WWOX: variants seen among roughly 807,000 people sequenced by gnomAD.
WWOX encodes the protein WW domain-containing oxidoreductase.
A neutral mutation model predicts 46.2 loss-of-function variants in WWOX; 69 were observed. The ratio of observed to expected loss-of-function variants is 1.49; its 90% confidence interval spans 1.23 to 1.82. WWOX has a LOEUF of 1.82. WWOX is among the 40% of genes most tolerant of loss of function. WWOX has a pLI of 0.00. For synonymous variants in WWOX, 359 were observed against 202.6 expected, an observed-to-expected ratio of 1.77 and a Z score of -6.56; for missense variants, 919 against 542.6, an observed-to-expected ratio of 1.69 and a Z score of -6.89.
At chr16:78,338,200 TTAAA>T (rs1225262951) in intron 5 of WWOX, among the ~76,000 whole-genome samples, 1 of 121,000 alleles carries the variant, frequency 8.3e-6, no homozygotes, top group Admixed American at 8.0e-5. Flanking sequence ...ATTTTGTGAA[TTAAA>T]TAAAGCAGCA....
At chr16:79,077,496 T>TCA (rs747419067) in intron 8 of WWOX, 1 of 152,184 alleles carries the variant, frequency 6.6e-6, no homozygotes, top group East Asian at 1.9e-4. Context: ...AGGATGCAAT[T>TCA]CACAGAGATG....
chr16:78,830,261 G>T (rs2051780151), intron 8 of WWOX, among the ~76,000 whole-genome samples: 1 of 152,106 alleles, frequency 6.6e-6, no homozygotes, highest in African/African-American at 2.4e-5. Context: ...TTTATATGGG[G>T]TTATTGTCCT....
intron 3 of WWOX, 150 bp from the exon 4 acceptor site, chr16:78,114,826 G>A (rs2151674316): frequency 1.1e-6 from 1 of 950,652 alleles, no homozygotes; most frequent in Non-Finnish European, 1.6e-6. Flanking sequence ...GAGGCCAGAA[G>A]ATAGATTCAG....
chr16:78,345,826 C>A (rs115017575), intron 5 of WWOX, among the ~76,000 whole-genome samples: 2,402 of 118,154 alleles, frequency 0.02, 558 homozygotes, highest in African/African-American at 0.066. Context: ...TTGACACATG[C>A]CTTTTGCTTA....
intron 8 of WWOX, among the ~76,000 whole-genome samples, chr16:78,483,455 G>A (rs1263373897): frequency 6.9e-6 from 1 of 145,560 alleles, no homozygotes; most frequent in African/African-American, 2.6e-5. Flanking sequence ...TTTCTTAATG[G>A]TCTTTAGCAA....
intron 8 of WWOX, among the ~76,000 whole-genome samples, chr16:79,129,390 C>T (rs146149515): frequency 2.6e-4 from 38 of 146,776 alleles, no homozygotes; most frequent in Middle Eastern, 3.4e-3. Context: ...CAGTCTATCT[C>T]GTATGGAACG....
At chr16:78,728,055 CTTTTTTTTTTTT>C (rs758484198) in intron 8 of WWOX, among the ~76,000 whole-genome samples, 3 of 86,806 alleles carry the variant, frequency 3.5e-5, no homozygotes, top group African/African-American at 1.8e-4. Flanking sequence ...TCCCTCCTTC[CTTTTTTTTTTTT>C]TTTTTTTTTT....
intron 8 of WWOX, among the ~76,000 whole-genome samples, chr16:79,023,256 C>T (rs1174439634): frequency 2.0e-5 from 3 of 152,178 alleles, no homozygotes; most frequent in Non-Finnish European, 4.4e-5. Flanking sequence ...AAAAGAATTA[C>T]TGTTCTCCCT....
intron 8 of WWOX, among the ~76,000 whole-genome samples, chr16:79,078,872 A>C (rs367895829): frequency 6.6e-6 from 1 of 152,308 alleles, no homozygotes; most frequent in African/African-American, 2.4e-5. Context: ...ACCAATTGCC[A>C]GGCACATAAT....
intron 8 of WWOX, among the ~76,000 whole-genome samples, chr16:78,742,365 C>G (rs1382153174): frequency 6.6e-6 from 1 of 152,214 alleles, no homozygotes; most frequent in Non-Finnish European, 1.5e-5. Context: ...AGCCCCACTT[C>G]TAGCTCTGGC....
chr16:78,454,509 CTTTG>C (rs376320635), intron 8 of WWOX, among the ~76,000 whole-genome samples: 16 of 151,640 alleles, frequency 1.1e-4, no homozygotes, highest in African/African-American at 2.9e-4. Context: ...TTGTTTGTTT[CTTTG>C]TTTGTTTTTG....
At chr16:79,108,557 A>G (rs1192438059) in intron 8 of WWOX, among the ~76,000 whole-genome samples, 2 of 152,218 alleles carry the variant, frequency 1.3e-5, no homozygotes. Context: ...TGCCATTCAT[A>G]CTTAAGGGTG....
chr16:78,751,780 G>A (rs1005203111), intron 8 of WWOX, among the ~76,000 whole-genome samples: 1 of 151,504 alleles, frequency 6.6e-6, no homozygotes, highest in African/African-American at 2.4e-5. Context: ...GAAGGAGGGA[G>A]GGAGGGAAAG....
rs1567625873 is a variant in WWOX, at chr16:79,211,983, T to TATCA, written c.*188_*191dup. 1 of 1,536,132 alleles carries TATCA rather than the reference T, an allele frequency of 6.5e-7. No homozygotes were observed. Among genetic ancestry groups the TATCA allele is most frequent in the South Asian group, 1.2e-5 (1 of 84,058 alleles). On this transcript the variant is annotated 3_prime_UTR_variant, in exon 9 of 9. Coordinates refer to ENST00000566780, the MANE Select transcript of WWOX (RefSeq NM_016373.4). ...GAAGCAGGGAATTCCTGGGGTAAAG[T>TATCA]ATCACTTTTCTGGGGCTGGGCTAGG...
intron 8 of WWOX, among the ~76,000 whole-genome samples, chr16:79,052,570 G>A (rs1391232178): frequency 1.3e-5 from 2 of 152,150 alleles, no homozygotes; most frequent in African/African-American, 4.8e-5. Context: ...AAGAAAATGT[G>A]GCCTTTGCCT....
intron 8 of WWOX, among the ~76,000 whole-genome samples, chr16:78,823,321 C>T (rs80339615): frequency 0.011 from 1,735 of 152,252 alleles, 38 homozygotes; most frequent in East Asian, 0.054. Flanking sequence ...AGTTGATGAT[C>T]ACATTATTGT....
intron 8 of WWOX, among the ~76,000 whole-genome samples, chr16:78,743,483 AGGC>A (rs1452885535): frequency 8.7e-6 from 1 of 114,346 alleles, no homozygotes; most frequent in Non-Finnish European, 2.3e-5. Context: ...AAAGTAAGTG[AGGC>A]AGGAGAACAG....
chr16:78,996,440 A>T, intron 8 of WWOX: 1 of 628,262 alleles, frequency 1.6e-6, no homozygotes, highest in Non-Finnish European at 2.0e-6. Flanking sequence ...GAATGGAGGC[A>T]TATTCAAAGT....
chr16:79,046,115 C>A (rs113056174), intron 8 of WWOX, among the ~76,000 whole-genome samples: 2 of 152,178 alleles, frequency 1.3e-5, no homozygotes, highest in South Asian at 2.1e-4. Context: ...GTTTTCTTTT[C>A]TATATTGTAG....
Sources: gnomAD v4.1 joint callset for allele counts (sites outside exome capture counted in the v4.1 genomes callset) on GRCh38, gnomAD v4.1.1 for gene constraint, MANE v1.5 for transcripts, NCBI Gene and HGNC (gene_info 2026-07-23, HGNC 2026-07-21) for gene names.